Variants in FUS observed in about 807,000 individuals in gnomAD.
FUS encodes the protein RNA-binding protein FUS.
Under a neutral mutation model 82.7 loss-of-function variants are expected in FUS, and 5 were observed. That is an observed-to-expected ratio of 0.06 (90% CI 0.03 to 0.13). FUS has a LOEUF of 0.13. FUS is among the 10% of genes least tolerant of loss of function. The pLI, the probability that FUS is intolerant of heterozygous loss-of-function variation, is 1.00. For missense variants in FUS, 512 were observed against 707.8 expected (o/e 0.72, Z 3.14); for synonymous variants, 281 against 247.4 (o/e 1.14, Z -1.27).
intron 8 of FUS, chr16:31,188,603 C>G (rs917360450): frequency 6.8e-6 from 4 of 587,496 alleles, no homozygotes; most frequent in African/African-American, 5.6e-5. Context: ...ACCTTTCTAA[C>G]AAGTCCCCAG....
At chr16:31,180,650 A>G (rs545353311) in intron 1 of FUS, among the ~76,000 whole-genome samples, 1 of 151,946 alleles carries the variant, frequency 6.6e-6, no homozygotes, top group South Asian at 2.1e-4. Context: ...CGGCGCGGGT[A>G]CCCCTTCCCC....
chr16:31,191,487 T>C lies in FUS; in HGVS notation c.*49T>C. 1 of 1,595,064 alleles carries C rather than the reference T, an allele frequency of 6.3e-7. No individual in the cohort carries two copies. Among genetic ancestry groups the C allele is most frequent in the Non-Finnish European group, 8.6e-7 (1 of 1,162,910 alleles). On this transcript the variant is annotated 3_prime_UTR_variant, in exon 15 of 15. Coordinates refer to ENST00000254108, the MANE Select transcript of FUS (RefSeq NM_004960.4). ...GAACAGCTTTTTGTCCTGTACCCAG[T>C]GTTACCCTCGTTATTTTGTAACCTT...
intron 13 of FUS, 57 bp from the exon 14 acceptor site, chr16:31,190,906 A>T: frequency 6.2e-7 from 1 of 1,612,638 alleles, no homozygotes; most frequent in South Asian, 1.1e-5. Context: ...TTCAGCGGGG[A>T]GGCTCGGGGA....
chr16:31,181,148 C>T (rs1032644023), intron 1 of FUS, among the ~76,000 whole-genome samples: 1 of 152,150 alleles, frequency 6.6e-6, no homozygotes, highest in Non-Finnish European at 1.5e-5. Flanking sequence ...CTGCTGACCT[C>T]AGGTGATCCG....
In FUS at chr16:31,186,075, G is replaced by A. The variant is rs189221517; in HGVS notation, c.765-727G>A. The A allele has an allele frequency of 4.7e-4, 112 of 236,912 alleles. 1 individual carries two copies. Among genetic ancestry groups the A allele is most frequent in the Middle Eastern group, 2.5e-3 (2 of 786 alleles). 14.7% of individuals were successfully genotyped at this position (236,912 alleles called of 1,614,324 possible). A position where few individuals can be genotyped will look rare whatever the true frequency, so the allele number is the denominator to read the frequency against. ...GGCAATCTCAAAAACGTGCAAAAATGAGGAAAACAAAAATGAGGAAATGTG... is the reference window on the plus strand; with the variant it reads ...GGCAATCTCAAAAACGTGCAAAAATAAGGAAAACAAAAATGAGGAAATGTG... On this transcript the variant is annotated intron_variant, in intron 6 of 14. Coordinates refer to ENST00000254108, the MANE Select transcript of FUS (RefSeq NM_004960.4).
chr16:31,187,198 C>A, intron 7 of FUS: 2 of 395,326 alleles, frequency 5.1e-6, no homozygotes, highest in Non-Finnish European at 4.7e-6. Flanking sequence ...TCCTTTTGAT[C>A]GTTGTGTCCA....
At chr16:31,193,482 C>G, downstream of FUS, 1 of 528,688 alleles carries the variant, frequency 1.9e-6, no homozygotes, top group Non-Finnish European at 3.7e-6. Context: ...GGATTCTAAT[C>G]TTGCTTTGGT....
At chr16:31,190,664 G>C in intron 12 of FUS, 78 bp from the exon 13 acceptor site, 2 of 1,379,184 alleles carry the variant, frequency 1.5e-6, no homozygotes, top group South Asian at 2.3e-5. Context: ...TATCTCTAAA[G>C]TCACCGTAGT....
chr16:31,184,841 C>A, intron 5 of FUS, 98 bp from the exon 6 acceptor site: 1 of 1,229,622 alleles, frequency 8.1e-7, no homozygotes, highest in Non-Finnish European at 1.2e-6. Context: ...TTCTTTTGTC[C>A]TTCATTGCCT....
intron 12 of FUS, 70 bp from the exon 13 acceptor site, chr16:31,190,672 A>G (rs919913074): frequency 7.1e-7 from 1 of 1,405,720 alleles, no homozygotes; most frequent in East Asian, 2.3e-5. Context: ...AAGTCACCGT[A>G]GTTTCTTCCT....
At position 31,180,194 on chromosome 16, in the gene FUS, C is replaced by G. The variant is rs772324083; in HGVS notation, c.-21C>G. 2 of 1,610,476 alleles carry G rather than the reference C, an allele frequency of 1.2e-6. No homozygotes were observed. The highest frequency in any genetic ancestry group is 8.5e-7 in the Non-Finnish European group (1 of 1,178,464). On this transcript the variant is annotated 5_prime_UTR_variant, in exon 1 of 15. Coordinates refer to ENST00000254108, the MANE Select transcript of FUS (RefSeq NM_004960.4). Reference sequence around the variant, plus strand: ...GTGTTGGAACTTCGTTGCTTGCTTGCCTGTGCGCGCGTGCGCGGACATGGC... The same window carrying G: ...GTGTTGGAACTTCGTTGCTTGCTTGGCTGTGCGCGCGTGCGCGGACATGGC...
rs760578287 is a variant in FUS, at chr16:31,180,175, G to T, written c.-40G>T. On this transcript the variant is annotated 5_prime_UTR_variant, in exon 1 of 15. Coordinates refer to ENST00000254108, the MANE Select transcript of FUS (RefSeq NM_004960.4). ...CAGGCGTCGGTACTCAGCGGTGTTG[G>T]AACTTCGTTGCTTGCTTGCCTGTGC... is the stretch of plus-strand genomic sequence containing the variant. 3 of 1,606,796 alleles carry T rather than the reference G, an allele frequency of 1.9e-6. No homozygotes were observed. The highest frequency in any genetic ancestry group is 1.3e-5 in the African/African-American group (1 of 74,848).
Position 31,191,121 on chromosome 16 carries a change from AAATCAG to A in FUS, c.1541+15_1541+20del. On this transcript the variant is annotated intron_variant, in intron 14 of 14. Transcript: ENST00000254108. ...CAAGATGGATTCCAGGTAAGACTTT[AAATCAG>A]AATAAAAAAGTAGAGCAGTTGAACA... is the stretch of plus-strand genomic sequence containing the variant. 6.2e-7 allele frequency: 1 copy of A among 1,612,034 alleles called. No individual in the cohort carries two copies. The highest frequency in any genetic ancestry group is 8.5e-7 in the Non-Finnish European group (1 of 1,179,792).
At chr16:31,189,405 C>G (rs1302500746) in intron 9 of FUS, among the ~76,000 whole-genome samples, 179 bp downstream of exon 9, 1 of 152,180 alleles carries the variant, frequency 6.6e-6, no homozygotes, top group African/African-American at 2.4e-5. Flanking sequence ...GAAGTTCTAT[C>G]TTAACACAAA....
chr16:31,180,906 C>T (rs938036296), intron 1 of FUS, among the ~76,000 whole-genome samples: 1 of 148,222 alleles, frequency 6.7e-6, no homozygotes, highest in South Asian at 2.3e-4. Context: ...TTTTTCCCGC[C>T]TAAATTTCTT....
At chr16:31,192,286 A>G (rs373470005), downstream of FUS, 312 of 526,656 alleles carry the variant, frequency 5.9e-4, no homozygotes, top group African/African-American at 5.4e-3. Flanking sequence ...GGGAATGATA[A>G]GTGATAAGAG....
rs562167311 is a variant in FUS, at chr16:31,180,178, C to G, written c.-37C>G. 1.5e-5 allele frequency: 24 copies of G among 1,607,892 alleles called. No homozygotes were observed. The East Asian group carries it at 4.7e-4, about 32-fold the overall frequency. On this transcript the variant is annotated 5_prime_UTR_variant, in exon 1 of 15. Transcript: ENST00000254108. ...GCGTCGGTACTCAGCGGTGTTGGAA[C>G]TTCGTTGCTTGCTTGCCTGTGCGCG...
chr16:31,186,423 A>G (rs952358336), intron 6 of FUS: 1 of 392,336 alleles, frequency 2.5e-6, no homozygotes, highest in Non-Finnish European at 4.7e-6. Flanking sequence ...CTGGTGTGAA[A>G]TGTCTTCTGG....
downstream of FUS, chr16:31,191,765 T>G (rs942633836): frequency 4.9e-6 from 3 of 609,950 alleles, no homozygotes; most frequent in African/African-American, 5.4e-5. Flanking sequence ...ATTAAACTTT[T>G]CTGTCATGGG....
Sources: gnomAD v4.1 joint callset for allele counts (sites outside exome capture counted in the v4.1 genomes callset) on GRCh38, gnomAD v4.1.1 for gene constraint, MANE v1.5 for transcripts, NCBI Gene and HGNC (gene_info 2026-07-23, HGNC 2026-07-21) for gene names.